ALDH1A2: variants seen among roughly 807,000 people sequenced by gnomAD.
ALDH1A2 encodes retinal dehydrogenase 2.
In ALDH1A2, 27 loss-of-function variants were observed where a neutral mutation model predicts 60.3. That is an observed-to-expected ratio of 0.45 (90% CI 0.33 to 0.62). The LOEUF is 0.62. Among genes scored for constraint, ALDH1A2 ranks in the 20% least tolerant of loss-of-function variants. The probability of loss-of-function intolerance (pLI) is 0.02; values close to 1 mark genes in which losing one functional copy is unlikely to be tolerated. For synonymous variants in ALDH1A2, 289 were observed against 232.4 expected, an observed-to-expected ratio of 1.24 and a Z score of -2.21; for missense variants, 581 against 643.8, an observed-to-expected ratio of 0.90 and a Z score of 1.06.
chr15:58,007,803 A>T (rs1366120300), intron 4 of ALDH1A2, among the ~76,000 whole-genome samples: 1 of 151,898 alleles, frequency 6.6e-6, no homozygotes, highest in East Asian at 1.9e-4. Context: ...CTGTGAAAAA[A>T]AAAAAAGCCA....
chr15:58,006,061 G>A (rs1234136338), intron 4 of ALDH1A2, among the ~76,000 whole-genome samples: 4 of 151,328 alleles, frequency 2.6e-5, no homozygotes, highest in Non-Finnish European at 5.9e-5. Context: ...GGGAGTACAG[G>A]TGGTGTTTGG....
intron 7 of ALDH1A2, among the ~76,000 whole-genome samples, chr15:57,977,391 C>T (rs1326419599): frequency 3.9e-5 from 6 of 152,140 alleles, no homozygotes; most frequent in African/African-American, 1.4e-4. Flanking sequence ...ACGTTTAAGT[C>T]TTTAATCCAT....
At chr15:57,964,901 T>C (rs1420482112) in intron 8 of ALDH1A2, 2 of 152,248 alleles carry the variant, frequency 1.3e-5, no homozygotes, top group African/African-American at 2.4e-5. Context: ...AAGCTAAAGC[T>C]GAACTCTGCA....
chr15:58,006,705 C>CTTTT (rs57137492), intron 4 of ALDH1A2, among the ~76,000 whole-genome samples: 8 of 138,748 alleles, frequency 5.8e-5, no homozygotes, highest in Non-Finnish European at 9.2e-5. Context: ...AAATTATGGA[C>CTTTT]TTTTTTTTTT....
rs765361183 is a variant in ALDH1A2 at position 58,013,967 on chromosome 15, C to T, written c.254G>A (p.Arg85His). Reference protein sequence around the residue: ...ADIDKAVQAARLAFSLGSVWR... With the variant: ...ADIDKAVQAAHLAFSLGSVWR... ...CACTGAACCAAGAGAGAAAGCCAGGCGGGCTGCCTGCACTGCTTTGTCTAT... is the reference window on the plus strand; with the variant it reads ...CACTGAACCAAGAGAGAAAGCCAGGTGGGCTGCCTGCACTGCTTTGTCTAT... Residue 85 changes from arginine (R) to histidine (H), a missense_variant, in exon 3 of 13, where the codon CGC becomes CAC. Around this residue, in one of 2 missense-constraint regions of ALDH1A2, gnomAD observed 206 missense variants for 174.1 expected, o/e 1.18. Transcript: ENST00000249750. 1.4e-5 allele frequency: 23 copies of T among 1,613,894 alleles called. No individual in the cohort carries two copies. Among genetic ancestry groups the T allele is most frequent in the South Asian group, 1.1e-4 (10 of 91,076 alleles).
At chr15:58,017,210 T>A (rs116732857) in intron 1 of ALDH1A2, among the ~76,000 whole-genome samples, 2,073 of 152,340 alleles carry the variant, frequency 0.014, 22 homozygotes, top group African/African-American at 0.031. Context: ...CATCATTTAG[T>A]ATTTTGCACA....
intron 1 of ALDH1A2, among the ~76,000 whole-genome samples, chr15:58,051,860 G>A (rs1194888648): frequency 1.3e-5 from 2 of 152,174 alleles, no homozygotes; most frequent in Non-Finnish European, 1.5e-5. Context: ...CTTCTGACAA[G>A]TTCCCTTGCC....
At chr15:58,006,023 AT>A (rs34604016) in intron 4 of ALDH1A2, among the ~76,000 whole-genome samples, 117,925 of 148,918 alleles carry the variant, frequency 0.79, 47,800 homozygotes, top group Non-Finnish European at 0.88. Context: ...CAAAGCAGGG[AT>A]TTTTTTTTTT....
intron 1 of ALDH1A2, among the ~76,000 whole-genome samples, chr15:58,042,185 T>G (rs1271268636): frequency 2.0e-5 from 3 of 151,998 alleles, no homozygotes; most frequent in African/African-American, 7.2e-5. Flanking sequence ...TCCTGCCTTC[T>G]TTAATTGACA....
chr15:58,000,124 T>A (rs1284882143), intron 4 of ALDH1A2, among the ~76,000 whole-genome samples: 1 of 151,892 alleles, frequency 6.6e-6, no homozygotes, highest in African/African-American at 2.4e-5. Flanking sequence ...ACCTAGGTGA[T>A]GGGTTGACAG....
rs531356324 is a variant in ALDH1A2, at chr15:57,964,332, C to G, written c.902-263G>C. The G allele has an allele frequency of 4.3e-5, 20 of 465,214 alleles. No individual in the cohort carries two copies. In the South Asian group the frequency reaches 4.6e-4, roughly 11 times the overall value. The allele number at this position is 465,214 out of a possible 1,614,324, so 28.8% of individuals were successfully genotyped here. ...CTCGTGTATAACAGGAGTCTCAAAC[C>G]CCTATATACCACAGGGCTTGGGAGA... On this transcript the variant is annotated intron_variant, in intron 8 of 12. Transcript: ENST00000249750.
intron 1 of ALDH1A2, among the ~76,000 whole-genome samples, chr15:58,039,682 G>T (rs1192331047): frequency 6.6e-6 from 1 of 151,788 alleles, no homozygotes; most frequent in African/African-American, 2.4e-5. Flanking sequence ...TTTTTGTGAA[G>T]AGAGGAAAGA....
At chr15:57,990,754 T>C (rs1412861613) in intron 7 of ALDH1A2, 1 of 151,282 alleles carries the variant, frequency 6.6e-6, no homozygotes, top group African/African-American at 2.4e-5. Flanking sequence ...TAGGTGCCTA[T>C]AATCCCAGCT....
chr15:58,061,409 AC>A (rs1482878458), intron 1 of ALDH1A2, among the ~76,000 whole-genome samples: 2 of 151,984 alleles, frequency 1.3e-5, no homozygotes, highest in Non-Finnish European at 2.9e-5. Flanking sequence ...TATTCCTGGC[AC>A]AGGCAAGAAT....
At chr15:58,050,824 T>C (rs759368088) in intron 1 of ALDH1A2, among the ~76,000 whole-genome samples, 6 of 152,170 alleles carry the variant, frequency 3.9e-5, no homozygotes, top group Non-Finnish European at 8.8e-5. Context: ...TCAGTTGAAT[T>C]AGAAGTTAAT....
intron 4 of ALDH1A2, among the ~76,000 whole-genome samples, chr15:57,998,278 A>G (rs1166966172): frequency 2.0e-5 from 3 of 152,112 alleles, no homozygotes; most frequent in African/African-American, 7.2e-5. Context: ...TTTGCAGATG[A>G]CATGGTCCTA....
chr15:57,964,108 G>C (rs1358668099), intron 8 of ALDH1A2, 39 bp from the exon 9 acceptor site: 1 of 1,611,486 alleles, frequency 6.2e-7, no homozygotes, highest in Non-Finnish European at 8.5e-7. Flanking sequence ...CGCTTTGCCT[G>C]GGGAGGGGCC....
chr15:58,019,172 A>G (rs1895857762), intron 1 of ALDH1A2, among the ~76,000 whole-genome samples: 1 of 152,190 alleles, frequency 6.6e-6, no homozygotes, highest in Admixed American at 6.5e-5. Context: ...AAAGTTTAAA[A>G]GTCAGTGTCA....
chr15:57,958,148 G>A (rs1305506774), intron 12 of ALDH1A2, among the ~76,000 whole-genome samples: 10 of 152,236 alleles, frequency 6.6e-5, no homozygotes, highest in African/African-American at 2.2e-4. Flanking sequence ...CCCTAGATAC[G>A]CATGCTTAAC....
Sources: gnomAD v4.1 joint callset for allele counts (sites outside exome capture counted in the v4.1 genomes callset) on GRCh38, gnomAD v4.1.1 for gene constraint, gnomAD v4.1.1 regional missense constraint, MANE v1.5 for transcripts, NCBI Gene and HGNC (gene_info 2026-07-23, HGNC 2026-07-21) for gene names.